Variants in UBA6 observed in about 807,000 individuals in gnomAD.
UBA6 encodes ubiquitin-like modifier-activating enzyme 6.
In UBA6, 87 loss-of-function variants were observed where a neutral mutation model predicts 148.3. The observed-to-expected ratio is 0.59, with a 90% confidence interval of 0.49 to 0.70. The LOEUF is 0.70. Among genes scored for constraint, UBA6 ranks in the 30% least tolerant of loss-of-function variants. The pLI is 0.00. For synonymous variants in UBA6, 376 were observed against 401.0 expected, an observed-to-expected ratio of 0.94 and a Z score of 0.75; for missense variants, 1,186 against 1,241.2, an observed-to-expected ratio of 0.96 and a Z score of 0.67.
intron 2 of UBA6, among the ~76,000 whole-genome samples, chr4:67,694,266 A>G (rs1730774972): frequency 7.1e-6 from 1 of 140,720 alleles, no homozygotes; most frequent in Admixed American, 7.2e-5. Context: ...AAACTACCAA[A>G]TCTTCAGATT....
intron 9 of UBA6, among the ~76,000 whole-genome samples, chr4:67,665,886 G>A (rs1446638872): frequency 2.0e-5 from 3 of 152,090 alleles, no homozygotes. Flanking sequence ...AAACCATGTA[G>A]TAAGGAAGGC....
intron 10 of UBA6, among the ~76,000 whole-genome samples, chr4:67,664,953 T>C (rs1729955073): frequency 6.6e-6 from 1 of 152,124 alleles, no homozygotes; most frequent in South Asian, 2.1e-4. Flanking sequence ...CTCAACTATA[T>C]GTATATGGTA....
chr4:67,675,120 T>C (rs527908165), intron 6 of UBA6, among the ~76,000 whole-genome samples: 1 of 152,204 alleles, frequency 6.6e-6, no homozygotes, highest in African/African-American at 2.4e-5. Context: ...TCTGCCTGCC[T>C]TGACTTCCAA....
intron 27 of UBA6, among the ~76,000 whole-genome samples, chr4:67,628,636 A>G (rs1358002024): frequency 6.6e-6 from 1 of 151,860 alleles, no homozygotes; most frequent in Non-Finnish European, 1.5e-5. Context: ...CCCAAAATAC[A>G]TTGGTCCAAT....
intron 13 of UBA6, among the ~76,000 whole-genome samples, chr4:67,653,968 A>C (rs1425274966): frequency 6.6e-6 from 1 of 152,164 alleles, no homozygotes; most frequent in Non-Finnish European, 1.5e-5. Context: ...AAAATATAGC[A>C]AGAAGACAAG....
At chr4:67,677,555 T>G (rs1205235437) in intron 6 of UBA6, 56 bp downstream of exon 6, 4 of 874,440 alleles carry the variant, frequency 4.6e-6, no homozygotes, top group Non-Finnish European at 7.2e-6. Flanking sequence ...TATTAATATT[T>G]AACAATTTTG....
chr4:67,665,411 G>GT, intron 9 of UBA6, 119 bp from the exon 10 acceptor site: 14 of 467,608 alleles, frequency 3.0e-5, no homozygotes, highest in East Asian at 1.1e-4. Context: ...TTCCAGCATA[G>GT]TGTTTTTTTT....
chr4:67,678,190 T>C (rs1395137828), intron 5 of UBA6, among the ~76,000 whole-genome samples: 2 of 149,154 alleles, frequency 1.3e-5, no homozygotes, highest in Non-Finnish European at 3.0e-5. Flanking sequence ...TCAATATTTA[T>C]TTAGCCACAG....
At chr4:67,698,743 T>C (rs1254002842) in intron 1 of UBA6, among the ~76,000 whole-genome samples, 2 of 152,206 alleles carry the variant, frequency 1.3e-5, no homozygotes, top group Non-Finnish European at 2.9e-5. Flanking sequence ...GCGGACCACC[T>C]GAAGTCAGGA....
intron 6 of UBA6, among the ~76,000 whole-genome samples, chr4:67,676,711 T>C (rs1464607631): frequency 3.9e-5 from 6 of 152,216 alleles, no homozygotes; most frequent in African/African-American, 1.4e-4. Flanking sequence ...TTCACTAGTC[T>C]TTTAGCTAAC....
chr4:67,678,178 T>C (rs1318054382), intron 5 of UBA6, among the ~76,000 whole-genome samples: 1 of 148,828 alleles, frequency 6.7e-6, no homozygotes, highest in Non-Finnish European at 1.5e-5. Context: ...ATTAAGTATA[T>C]ATCAATATTT....
At chr4:67,630,300 G>T (rs1728967002) in intron 26 of UBA6, among the ~76,000 whole-genome samples, 166 bp downstream of exon 26, 1 of 152,172 alleles carries the variant, frequency 6.6e-6, no homozygotes, top group South Asian at 2.1e-4. Flanking sequence ...ACTGCAATGA[G>T]CTTTTAGCTT....
intron 26 of UBA6, among the ~76,000 whole-genome samples, chr4:67,629,578 T>C (rs1728949914): frequency 6.6e-6 from 1 of 152,016 alleles, no homozygotes; most frequent in Non-Finnish European, 1.5e-5. Flanking sequence ...GAGGGAGATA[T>C]TTAAATGGTT....
Position 67,646,019 on chromosome 4 carries a change from G to C in UBA6, c.1317-3C>G. On this transcript the variant is annotated splice_polypyrimidine_tract_variant and splice_region_variant and intron_variant, in intron 15 of 32. Coordinates refer to ENST00000322244, the MANE Select transcript of UBA6 (RefSeq NM_018227.6). Reference sequence around the variant, plus strand: ...TTAAGGCATCATATCTATCTCCTCTGAAAAAAATAACATATACCAAAAAGC... The same window carrying C: ...TTAAGGCATCATATCTATCTCCTCTCAAAAAAATAACATATACCAAAAAGC... 1 of 1,536,618 alleles carries C rather than the reference G, an allele frequency of 6.5e-7. No homozygotes were observed. The highest frequency in any genetic ancestry group is 8.8e-7 in the Non-Finnish European group (1 of 1,137,352).
At chr4:67,671,625 A>T (rs1730151744) in intron 7 of UBA6, among the ~76,000 whole-genome samples, 1 of 152,164 alleles carries the variant, frequency 6.6e-6, no homozygotes, top group African/African-American at 2.4e-5. Context: ...CACATGCTTA[A>T]ATTGTAAACC....
chr4:67,629,365 A>G (rs983725365), intron 26 of UBA6, among the ~76,000 whole-genome samples: 34 of 151,928 alleles, frequency 2.2e-4, no homozygotes, highest in African/African-American at 8.2e-4. Flanking sequence ...CTTATTAGTC[A>G]ACAAACTTGA....
At chr4:67,678,867 T>C (rs1023031658) in intron 4 of UBA6, among the ~76,000 whole-genome samples, 1 of 152,148 alleles carries the variant, frequency 6.6e-6, no homozygotes. Context: ...CAAAAAGACA[T>C]ATGCATTTAT....
At chr4:67,670,738 A>C (rs1317513130) in intron 7 of UBA6, 146 bp from the exon 8 acceptor site, 1 of 625,740 alleles carries the variant, frequency 1.6e-6, no homozygotes, top group Non-Finnish European at 2.7e-6. Flanking sequence ...AAACAGGATA[A>C]ACTGATGCAG....
intron 1 of UBA6, among the ~76,000 whole-genome samples, chr4:67,697,736 A>C (rs1443596192): frequency 6.6e-6 from 1 of 152,164 alleles, no homozygotes. Flanking sequence ...TACTATTTCA[A>C]TCAGTACAAT....
Sources: gnomAD v4.1 joint callset for allele counts (sites outside exome capture counted in the v4.1 genomes callset) on GRCh38, gnomAD v4.1.1 for gene constraint, MANE v1.5 for transcripts, NCBI Gene and HGNC (gene_info 2026-07-23, HGNC 2026-07-21) for gene names.